Variants in SPIRE1 observed in about 807,000 individuals in gnomAD.
SPIRE1 encodes spire type actin nucleation factor 1.
A neutral mutation model predicts 94.1 loss-of-function variants in SPIRE1; 40 were observed. The observed-to-expected ratio is 0.43, with a 90% CI of 0.33 to 0.55. SPIRE1 has a LOEUF of 0.55. Ranked by LOEUF, SPIRE1 falls within the 20% of genes least tolerant of loss-of-function variation. The pLI, the probability that SPIRE1 is intolerant of heterozygous loss-of-function variation, is 0.06. For synonymous variants in SPIRE1, 376 were observed against 371.7 expected (o/e 1.01, Z -0.13); for missense variants, 838 against 975.2 (o/e 0.86, Z 1.87).
At chr18:12,558,005 G>A (rs1598469673) in intron 2 of SPIRE1, among the ~76,000 whole-genome samples, 1 of 152,038 alleles carries the variant, frequency 6.6e-6, no homozygotes, top group South Asian at 2.1e-4. Flanking sequence ...CCTATCTATC[G>A]CTATGTACAA....
At chr18:12,629,226 G>C (rs927036238) in intron 2 of SPIRE1, among the ~76,000 whole-genome samples, 9 of 152,138 alleles carry the variant, frequency 5.9e-5, no homozygotes, top group Non-Finnish European at 1.3e-4. Context: ...TAGGAGACAG[G>C]AATGTGATGA....
At chr18:12,582,895 G>A (rs2036294110) in intron 2 of SPIRE1, among the ~76,000 whole-genome samples, 1 of 152,182 alleles carries the variant, frequency 6.6e-6, no homozygotes, top group Admixed American at 6.5e-5. Context: ...GAAATAGACA[G>A]TCTGGACTCT....
intron 2 of SPIRE1, among the ~76,000 whole-genome samples, chr18:12,562,570 G>A (rs568415163): frequency 1.7e-4 from 25 of 151,142 alleles, no homozygotes; most frequent in African/African-American, 5.8e-4. Flanking sequence ...CATGTACGAT[G>A]GTAGTCTGCT....
At chr18:12,521,561 C>T (rs1293982926) in intron 4 of SPIRE1, among the ~76,000 whole-genome samples, 4 of 151,930 alleles carry the variant, frequency 2.6e-5, no homozygotes, top group South Asian at 2.1e-4. Flanking sequence ...CTCGAACTCC[C>T]GACCTCAAGT....
In SPIRE1 at chr18:12,512,473, T is replaced by C; in HGVS notation, c.788A>G (p.Glu263Gly). Residue 263 changes from glutamate (E) to glycine (G), a missense_variant, in exon 5 of 17, where the codon GAG becomes GGG. Glu to Gly is a moderately conservative substitution (Grantham distance 98, BLOSUM62 -2). Transcript: ENST00000409402. ...TCTTACCCAGTCAGCGTTTTTCAGC[T>C]CTTCCAAGTCTGTGCTAGATTCATC... ...KSDESSTDLEELKNADWARFW... is the reference protein window; with the variant it reads ...KSDESSTDLEGLKNADWARFW... 6.2e-7 allele frequency: 1 copy of C among 1,612,584 alleles called. No individual in the cohort carries two copies. The highest frequency in any genetic ancestry group is 8.5e-7 in the Non-Finnish European group (1 of 1,178,840).
At chr18:12,456,146 TTGCTCTAAAA>T (rs1230080437) in intron 12 of SPIRE1, among the ~76,000 whole-genome samples, 1 of 152,200 alleles carries the variant, frequency 6.6e-6, no homozygotes, top group Non-Finnish European at 1.5e-5. Context: ...ATTATATCAT[TTGCTCTAAAA>T]TGCCTAAAAT....
intron 10 of SPIRE1, among the ~76,000 whole-genome samples, chr18:12,472,927 G>A (rs1483322796): frequency 6.6e-6 from 1 of 152,070 alleles, no homozygotes; most frequent in East Asian, 1.9e-4. Flanking sequence ...CAAGTAGCTG[G>A]GATTACAGGC....
At chr18:12,564,853 G>A (rs1282670713) in intron 2 of SPIRE1, among the ~76,000 whole-genome samples, 2 of 151,996 alleles carry the variant, frequency 1.3e-5, no homozygotes, top group Non-Finnish European at 2.9e-5. Flanking sequence ...CTCCAAAACT[G>A]AAAAGCAAAG....
At chr18:12,538,416 C>G (rs1335656359) in intron 3 of SPIRE1, among the ~76,000 whole-genome samples, 1 of 152,148 alleles carries the variant, frequency 6.6e-6, no homozygotes, top group Non-Finnish European at 1.5e-5. Flanking sequence ...TTATATAAAT[C>G]TGTCTCTCCT....
chr18:12,626,516 T>A (rs1331743489), intron 2 of SPIRE1, among the ~76,000 whole-genome samples: 3 of 152,202 alleles, frequency 2.0e-5, no homozygotes, highest in African/African-American at 7.2e-5. Context: ...CTAACAGGAC[T>A]ATATCCGTTG....
chr18:12,611,826 G>C (rs895824895), intron 2 of SPIRE1, among the ~76,000 whole-genome samples: 1 of 133,972 alleles, frequency 7.5e-6, no homozygotes, highest in Non-Finnish European at 1.7e-5. Flanking sequence ...ACCACATTAA[G>C]CTACTTTTCT....
intron 3 of SPIRE1, among the ~76,000 whole-genome samples, chr18:12,542,145 T>C (rs2035033022): frequency 6.6e-6 from 1 of 151,908 alleles, no homozygotes. Flanking sequence ...CCTGGCTAAC[T>C]TTTTTGTCTT....
chr18:12,450,644 G>T (rs1029085963), intron 16 of SPIRE1: 3 of 595,072 alleles, frequency 5.0e-6, no homozygotes, highest in Non-Finnish European at 9.1e-6. Flanking sequence ...GGCAAAGGTG[G>T]ATAAAGTACA....
intron 2 of SPIRE1, among the ~76,000 whole-genome samples, 152 bp from the exon 3 acceptor site, chr18:12,547,056 T>C (rs1209708156): frequency 6.6e-6 from 1 of 152,244 alleles, no homozygotes; most frequent in African/African-American, 2.4e-5. Context: ...ATTTATACTT[T>C]GTGTTAAAAT....
intron 12 of SPIRE1, among the ~76,000 whole-genome samples, chr18:12,458,368 T>C (rs990746827): frequency 1.3e-5 from 2 of 151,214 alleles, no homozygotes; most frequent in Non-Finnish European, 2.9e-5. Context: ...TCCCAGCACT[T>C]TGGGAGGCCG....
intron 2 of SPIRE1, among the ~76,000 whole-genome samples, chr18:12,598,347 C>T (rs972478473): frequency 3.3e-5 from 5 of 151,904 alleles, no homozygotes; most frequent in Admixed American, 1.3e-4. Flanking sequence ...CATAAAAGGC[C>T]AAATTACATT....
At chr18:12,647,870 T>C (rs1259349333) in intron 1 of SPIRE1, among the ~76,000 whole-genome samples, 1 of 152,138 alleles carries the variant, frequency 6.6e-6, no homozygotes, top group African/African-American at 2.4e-5. Context: ...TATGGGTGAC[T>C]CTAGGGCTGG....
chr18:12,647,905 T>C (rs558812863), intron 1 of SPIRE1, among the ~76,000 whole-genome samples: 1 of 152,242 alleles, frequency 6.6e-6, no homozygotes, highest in East Asian at 1.9e-4. Context: ...AAGATGATCC[T>C]TGAAACATCT....
chr18:12,576,691 C>T (rs919562710), intron 2 of SPIRE1, among the ~76,000 whole-genome samples: 3 of 151,254 alleles, frequency 2.0e-5, no homozygotes, highest in Non-Finnish European at 4.4e-5. Context: ...AGATCGAGAC[C>T]ATCCTGGCTA....
Sources: gnomAD v4.1 joint callset for allele counts (sites outside exome capture counted in the v4.1 genomes callset) on GRCh38, gnomAD v4.1.1 for gene constraint, MANE v1.5 for transcripts, NCBI Gene and HGNC (gene_info 2026-07-23, HGNC 2026-07-21) for gene names.